The following ACSM2A variants were observed in gnomAD, a reference collection of about 807,000 sequenced individuals.
ACSM2A encodes acyl-CoA synthetase medium chain family member 2A.
In ACSM2A, 72 loss-of-function variants were observed where a neutral mutation model predicts 76.6. That is an observed-to-expected ratio of 0.94 (90% CI 0.78 to 1.14). The LOEUF (loss-of-function observed/expected upper bound fraction) is 1.14, where lower values mean the gene tolerates loss of function less well. ACSM2A is among the 50% of genes most tolerant of loss of function. ACSM2A has a pLI of 0.00. For missense variants in ACSM2A, 684 were observed against 708.5 expected (o/e 0.97, Z 0.39); for synonymous variants, 249 against 255.9 (o/e 0.97, Z 0.26).
At chr16:20,477,346 G>C in intron 8 of ACSM2A, 23 bp from the exon 9 acceptor site, 1 of 1,583,768 alleles carries the variant, frequency 6.3e-7, no homozygotes, top group Non-Finnish European at 8.6e-7. Flanking sequence ...GAGGTTTGCT[G>C]ATCTGTCTGC....
chr16:20,472,343 A>G (rs536277440), intron 6 of ACSM2A, among the ~76,000 whole-genome samples: 1 of 152,274 alleles, frequency 6.6e-6, no homozygotes, highest in Admixed American at 6.5e-5. Flanking sequence ...TGGCTTGCTG[A>G]TGGCTCCCTT....
intron 1 of ACSM2A, 126 bp from the exon 2 acceptor site, chr16:20,459,979 CAT>C: frequency 1.4e-6 from 2 of 1,413,406 alleles, no homozygotes; most frequent in Non-Finnish European, 1.9e-6. Flanking sequence ...CCAATTTACT[CAT>C]AACTACAGCA....
At chr16:20,455,235 C>A (rs1270769366) in intron 1 of ACSM2A, among the ~76,000 whole-genome samples, 1 of 150,848 alleles carries the variant, frequency 6.6e-6, no homozygotes, top group Admixed American at 6.6e-5. Context: ...AGGAAATAAT[C>A]AAGGAAAACT....
intron 6 of ACSM2A, chr16:20,474,287 G>A (rs892441164): frequency 4.7e-6 from 1 of 211,808 alleles, no homozygotes; most frequent in Non-Finnish European, 9.5e-6. Context: ...TAAGCGGTGG[G>A]GCATTTAAGA....
At chr16:20,472,848 A>T (rs142336949) in intron 6 of ACSM2A, among the ~76,000 whole-genome samples, 2 of 152,304 alleles carry the variant, frequency 1.3e-5, no homozygotes, top group East Asian at 3.9e-4. Flanking sequence ...GTATTTCATT[A>T]TGTGAATCTG....
At chr16:20,474,288 G>T in intron 6 of ACSM2A, 1 of 212,136 alleles carries the variant, frequency 4.7e-6, no homozygotes, top group Non-Finnish European at 9.5e-6. Context: ...AAGCGGTGGG[G>T]CATTTAAGAG....
intron 6 of ACSM2A, chr16:20,474,241 T>C (rs1383742610): frequency 1.2e-5 from 3 of 254,274 alleles, no homozygotes; most frequent in Non-Finnish European, 2.3e-5. Flanking sequence ...GTTTGGCTCC[T>C]TTCATCAACA....
rs752027673 is a variant in ACSM2A, at chr16:20,483,094, C to T, written c.1546C>T (p.Leu516=). 1.9e-5 allele frequency: 30 copies of T among 1,614,054 alleles called. 1 individual carries two copies. The South Asian group carries it at 2.7e-4, about 15-fold the overall frequency. ...KAFVVLASQF[L]SHDPEQLTKE... Reference sequence around the variant, plus strand: ...ATTTGTGGTCCTGGCCTCGCAGTTCCTGTCCCATGACCCAGAACAGCTCAC... The same window carrying T: ...ATTTGTGGTCCTGGCCTCGCAGTTCTTGTCCCATGACCCAGAACAGCTCAC... The change falls in exon 13 of 14, where the codon CTG becomes TTG. Residue 516 remains leucine (L), a synonymous_variant. Transcript: ENST00000573854.
intron 11 of ACSM2A, 39 bp from the exon 12 acceptor site, chr16:20,480,783 C>G (rs748580268): frequency 6.2e-7 from 1 of 1,613,460 alleles, no homozygotes; most frequent in African/African-American, 1.3e-5. Flanking sequence ...CCTAGAGGTT[C>G]GGTGTCCAGT....
At chr16:20,458,864 A>T (rs902899537) in intron 1 of ACSM2A, among the ~76,000 whole-genome samples, 1 of 139,684 alleles carries the variant, frequency 7.2e-6, no homozygotes, top group Non-Finnish European at 1.5e-5. Flanking sequence ...TTTTAGGTAT[A>T]TACTATATAA....
intron 13 of ACSM2A, among the ~76,000 whole-genome samples, chr16:20,485,524 T>C (rs1463303286): frequency 2.0e-5 from 3 of 152,242 alleles, no homozygotes; most frequent in African/African-American, 7.2e-5. Context: ...ATGTGGTCTT[T>C]GTTGCAACTA....
chr16:20,457,896 T>A (rs183881410), intron 1 of ACSM2A, among the ~76,000 whole-genome samples: 1 of 152,028 alleles, frequency 6.6e-6, no homozygotes, highest in Non-Finnish European at 1.5e-5. Context: ...GCTGTTAATA[T>A]GATTGTATAC....
chr16:20,483,746 C>A (rs1449547801), intron 13 of ACSM2A, among the ~76,000 whole-genome samples: 1 of 152,058 alleles, frequency 6.6e-6, no homozygotes, highest in Non-Finnish European at 1.5e-5. Flanking sequence ...TATTCCCATT[C>A]TCTGCACTGG....
intron 11 of ACSM2A, 49 bp from the exon 12 acceptor site, chr16:20,480,773 C>A: frequency 6.2e-7 from 1 of 1,613,602 alleles, no homozygotes; most frequent in Non-Finnish European, 8.5e-7. Context: ...TCTGGAATGG[C>A]CTAGAGGTTC....
At chr16:20,469,407 C>T (rs1417562530) in intron 3 of ACSM2A, 105 bp from the exon 4 acceptor site, 2 of 1,548,080 alleles carry the variant, frequency 1.3e-6, no homozygotes, top group African/African-American at 1.4e-5. Context: ...ATTACTTCCT[C>T]ATCCTCTCCT....
At position 20,471,077 on chromosome 16, in the gene ACSM2A, G is replaced by GCATC; in HGVS notation, c.604_607dup (p.Thr203IlefsTer21). The stretch of plus-strand genomic sequence containing the variant: ...GACAATCTGTGTCTCTGTCAGTGAG[G>GCATC]CATCCACCACTCATCACTGTGTGGA... On this transcript the variant is annotated frameshift_variant, in exon 5 of 14. Transcript: ENST00000573854. LOFTEE classifies it high-confidence loss of function. The GCATC allele has an allele frequency of 6.2e-7, 1 of 1,613,276 alleles. No individual in the cohort carries two copies. The highest frequency in any genetic ancestry group is 2.2e-5 in the East Asian group (1 of 44,856).
intron 1 of ACSM2A, 58 bp from the exon 2 acceptor site, chr16:20,460,049 G>C (rs1486286062): frequency 1.3e-6 from 2 of 1,518,844 alleles, no homozygotes; most frequent in African/African-American, 1.4e-5. Context: ...AGCTGCTGAT[G>C]ATCAGTAGAG....
chr16:20,480,224 T>C (rs2014003273), intron 10 of ACSM2A, among the ~76,000 whole-genome samples: 1 of 152,164 alleles, frequency 6.6e-6, no homozygotes, highest in Admixed American at 6.5e-5. Context: ...ATGATAGCTT[T>C]GAGTGGTGCT....
At chr16:20,480,777 G>A (rs1323765467) in intron 11 of ACSM2A, 45 bp from the exon 12 acceptor site, 2 of 1,613,652 alleles carry the variant, frequency 1.2e-6, no homozygotes, top group Admixed American at 1.7e-5. Flanking sequence ...GAATGGCCTA[G>A]AGGTTCGGTG....
Sources: allele counts gnomAD v4.1 joint callset (sites outside exome capture counted in the v4.1 genomes callset), GRCh38; gene constraint gnomAD v4.1.1; transcripts MANE v1.5; gene names NCBI Gene and HGNC (gene_info 2026-07-23, HGNC 2026-07-21).